The following FAM53A variants were observed in gnomAD, a reference collection of about 807,000 sequenced individuals.
The protein encoded by FAM53A is protein FAM53A.
In FAM53A, 28 loss-of-function variants were observed where a neutral mutation model predicts 26.6. The ratio of observed to expected loss-of-function variants is 1.05; its 90% confidence interval spans 0.78 to 1.45. The LOEUF is 1.45. Among genes scored for constraint, FAM53A ranks in the 40% most tolerant of loss-of-function variants. The pLI is 0.00. For synonymous variants in FAM53A, 290 were observed against 253.1 expected, an observed-to-expected ratio of 1.15 and a Z score of -1.38; for missense variants, 650 against 575.8, an observed-to-expected ratio of 1.13 and a Z score of -1.32.
chr4:1,662,120 A>G lies in FAM53A; in HGVS notation c.76-4652T>C, dbSNP rs114635177. On this transcript the variant is annotated intron_variant, in intron 2 of 4. Transcript: ENST00000308132. ...GAGGCGGGAGGACCCATTGAGCACA[A>G]GAGGTGGAAACCAGCCTGGGAAACA... Among the ~76,000 whole-genome samples the G allele has an allele frequency of 6.5e-3, 983 of 152,162 alleles. 11 individuals carry two copies. The highest frequency in any genetic ancestry group is 0.022 in the African/African-American group (924 of 41,516).
intron 1 of FAM53A, among the ~76,000 whole-genome samples, chr4:1,626,288 G>A (rs998857383): frequency 6.6e-6 from 1 of 152,188 alleles, no homozygotes; most frequent in Non-Finnish European, 1.5e-5. Flanking sequence ...ATGAACAGAC[G>A]GTGGCCGTCA....
chr4:1,656,010 C>T (rs1713352551), intron 3 of FAM53A, among the ~76,000 whole-genome samples: 1 of 152,200 alleles, frequency 6.6e-6, no homozygotes, highest in South Asian at 2.1e-4. Context: ...CACGGCTCTG[C>T]TCTCCCGACA....
At chr4:1,669,249 T>C (rs954929136) in intron 1 of FAM53A, among the ~76,000 whole-genome samples, 18 of 152,232 alleles carry the variant, frequency 1.2e-4, no homozygotes, top group African/African-American at 4.1e-4. Context: ...AAAGCCAATA[T>C]CAAGCCAGGA....
At chr4:1,674,308 A>G (rs925227564) in intron 1 of FAM53A, among the ~76,000 whole-genome samples, 4 of 152,114 alleles carry the variant, frequency 2.6e-5, no homozygotes, top group Admixed American at 2.0e-4. Context: ...ATCTCTTCTT[A>G]TAAGGACACC....
chr4:1,650,495 GTTGTTT>G (rs989085691), intron 4 of FAM53A, among the ~76,000 whole-genome samples: 1 of 151,990 alleles, frequency 6.6e-6, no homozygotes, highest in Non-Finnish European at 1.5e-5. Flanking sequence ...GGTTTTTTCT[GTTGTTT>G]TTGTTTTTGT....
At chr4:1,614,517 G>A (rs1714740514), downstream of FAM53A, among the ~76,000 whole-genome samples, 1 of 151,352 alleles carries the variant, frequency 6.6e-6, no homozygotes, top group African/African-American at 2.4e-5. Flanking sequence ...GGGGGATGCA[G>A]AGACGTGAGG....
At chr4:1,638,009 C>T (rs982828613), downstream of FAM53A, among the ~76,000 whole-genome samples, 13 of 151,934 alleles carry the variant, frequency 8.6e-5, no homozygotes, top group Admixed American at 2.0e-4. Flanking sequence ...CCAGGCCCAC[C>T]GTGGGTGACA....
rs191611661 is a variant in FAM53A, at chr4:1,633,659, T to C, written c.432-15548A>G. Among the ~76,000 whole-genome samples, 471 of 151,872 alleles carry C rather than the reference T, an allele frequency of 3.1e-3. 5 individuals are homozygous for C. Among genetic ancestry groups the C allele is most frequent in the African/African-American group, 0.011 (451 of 41,424 alleles). ...CCAAGAGCCGGTTCTTCCCAATAAA[T>C]AAATAAATAAAATAAGCAAGGCTCC... On this transcript the variant is annotated intron_variant, in intron 1 of 1. Coordinates refer to the FAM53A transcript ENST00000489029.
rs559109336 is a variant in FAM53A, at chr4:1,655,522, G to A, written c.338C>T (p.Thr113Met). The A allele has an allele frequency of 1.2e-5, 19 of 1,566,116 alleles. No individual in the cohort carries two copies. Among genetic ancestry groups the A allele is most frequent in the East Asian group, 1.2e-4 (5 of 42,724 alleles). ...VDPSESTGSS[T>M]APPTKRHCRS... ...GCAATGCCGCTTGGTCGGTGGGGCC[G>A]TGGACGAGCCTGTGCTTTCACTGGG... Residue 113 changes from threonine to methionine, a missense_variant, in exon 4 of 5, where the codon ACG (threonine) becomes ATG (methionine). Physicochemically the swap from Thr to Met is moderately conservative, Grantham distance 81. Transcript: ENST00000308132.
downstream of FAM53A, among the ~76,000 whole-genome samples, chr4:1,638,786 G>T (rs940737653): frequency 6.6e-6 from 1 of 152,220 alleles, no homozygotes; most frequent in Non-Finnish European, 1.5e-5. Flanking sequence ...CTGGGCTGGG[G>T]TGTGAGCAGT....
upstream of FAM53A, among the ~76,000 whole-genome samples, chr4:1,685,132 C>T (rs898621014): frequency 6.6e-6 from 1 of 152,174 alleles, no homozygotes; most frequent in African/African-American, 2.4e-5. Flanking sequence ...GGGCCTCTGA[C>T]GGCCAGGTGT....
chr4:1,656,329 C>T (rs1713379274), intron 3 of FAM53A, among the ~76,000 whole-genome samples: 1 of 152,244 alleles, frequency 6.6e-6, no homozygotes, highest in Admixed American at 6.5e-5. Context: ...AGCCCACTGC[C>T]TGCTGGTTCG....
intron 1 of FAM53A, among the ~76,000 whole-genome samples, chr4:1,627,470 C>T (rs1322910569): frequency 6.6e-6 from 1 of 152,196 alleles, no homozygotes; most frequent in Non-Finnish European, 1.5e-5. Context: ...ATGGAAAGCA[C>T]CCTGGGGTGC....
intron 1 of FAM53A, among the ~76,000 whole-genome samples, chr4:1,626,445 C>G (rs1458239524): frequency 6.6e-6 from 1 of 152,160 alleles, no homozygotes; most frequent in Non-Finnish European, 1.5e-5. Flanking sequence ...GCGGGGAAGT[C>G]GGGGAGGACC....
the FAM53A span, among the ~76,000 whole-genome samples, chr4:1,612,394 C>T: frequency 6.6e-6 from 1 of 152,204 alleles, no homozygotes; most frequent in African/African-American, 2.4e-5. Flanking sequence ...GCCAGGGCCT[C>T]CCGAGAAGCC....
intron 1 of FAM53A, among the ~76,000 whole-genome samples, chr4:1,628,731 GCATGGGGGGGAGGGTGC>G (rs1715463564): frequency 5.1e-3 from 5 of 976 alleles, no homozygotes; most frequent in African/African-American, 0.02. Context: ...TGGGGGAGTG[GCATGGGGGGGAGGGTGC>G]CATGGGGGGA....
chr4:1,656,570 G>T (rs1390787812), intron 3 of FAM53A, among the ~76,000 whole-genome samples: 1 of 152,130 alleles, frequency 6.6e-6, no homozygotes, highest in Non-Finnish European at 1.5e-5. Context: ...TGTAGGAAGC[G>T]CTGCGGGGCT....
At chr4:1,590,957 T>TATATAC in the FAM53A span, among the ~76,000 whole-genome samples, 1,369 of 30,908 alleles carry the variant, frequency 0.044, 139 homozygotes, top group African/African-American at 0.097. Flanking sequence ...ATTTAATGCA[T>TATATAC]ATATATATAT....
At chr4:1,622,071 G>A (rs995091858) in intron 1 of FAM53A, among the ~76,000 whole-genome samples, 8 of 152,100 alleles carry the variant, frequency 5.3e-5, no homozygotes, top group Admixed American at 3.3e-4. Flanking sequence ...GCCACCTGAC[G>A]ACACAGCAAG....
Sources: allele counts gnomAD v4.1 joint callset (sites outside exome capture counted in the v4.1 genomes callset), GRCh38; gene constraint gnomAD v4.1.1; transcripts MANE v1.5; gene names NCBI Gene and HGNC (gene_info 2026-07-23, HGNC 2026-07-21).